ERC1: variants seen among roughly 807,000 people sequenced by gnomAD.
ERC1 encodes the protein ELKS/RAB6-interacting/CAST family member 1.
A neutral mutation model predicts 132.0 loss-of-function variants in ERC1; 56 were observed. The ratio of observed to expected loss-of-function variants is 0.42; its 90% CI spans 0.34 to 0.53. ERC1 has a LOEUF of 0.53. Ranked by LOEUF, ERC1 falls within the 20% of genes least tolerant of loss-of-function variation. ERC1 has a pLI of 0.03. For missense variants in ERC1, 1,202 were observed against 1,349.9 expected (o/e 0.89, Z 1.72); for synonymous variants, 478 against 476.1 (o/e 1.00, Z -0.05).
At chr12:1,045,244 T>C (rs1970904993) in intron 2 of ERC1, among the ~76,000 whole-genome samples, 1 of 152,176 alleles carries the variant, frequency 6.6e-6, no homozygotes, top group South Asian at 2.1e-4. Flanking sequence ...ACAATTTCCC[T>C]ATTATTTACT....
At chr12:1,317,818 T>A (rs2081872214) in intron 15 of ERC1, among the ~76,000 whole-genome samples, 1 of 152,130 alleles carries the variant, frequency 6.6e-6, no homozygotes, top group Admixed American at 6.5e-5. Flanking sequence ...AGCAAAACAC[T>A]CTCTATATAC....
chr12:1,316,762 T>C (rs1288104298), intron 15 of ERC1, among the ~76,000 whole-genome samples: 1 of 152,220 alleles, frequency 6.6e-6, no homozygotes, highest in African/African-American at 2.4e-5. Context: ...TAAATCATGC[T>C]GCTATAAAGA....
At chr12:1,392,696 T>TA (rs1320794864) in intron 16 of ERC1, among the ~76,000 whole-genome samples, 1 of 152,238 alleles carries the variant, frequency 6.6e-6, no homozygotes, top group East Asian at 1.9e-4. Flanking sequence ...TTTGGATTTA[T>TA]AAAATTATAA....
At chr12:1,061,569 C>T (rs533680141) in intron 2 of ERC1, among the ~76,000 whole-genome samples, 1 of 152,218 alleles carries the variant, frequency 6.6e-6, no homozygotes, top group South Asian at 2.1e-4. Context: ...CACCACTGCA[C>T]TCCAGCCGGG....
intron 18 of ERC1, among the ~76,000 whole-genome samples, chr12:1,451,773 C>A (rs1408887944): frequency 3.3e-5 from 5 of 152,004 alleles, no homozygotes; most frequent in Non-Finnish European, 7.4e-5. Context: ...AGAATTGTGT[C>A]CCCCCTCCCA....
intron 17 of ERC1, among the ~76,000 whole-genome samples, chr12:1,422,480 ACATATTGTC>A (rs2092463628): frequency 6.6e-6 from 1 of 152,114 alleles, no homozygotes; most frequent in Non-Finnish European, 1.5e-5. Flanking sequence ...TTTTCACTTA[ACATATTGTC>A]CTCCCAGCTC....
At chr12:1,340,468 G>T (rs2083726790) in intron 15 of ERC1, among the ~76,000 whole-genome samples, 1 of 152,158 alleles carries the variant, frequency 6.6e-6, no homozygotes, top group African/African-American at 2.4e-5. Context: ...CCAAATCGGT[G>T]TCTGTGGTAG....
intron 14 of ERC1, among the ~76,000 whole-genome samples, chr12:1,268,236 A>G (rs951459630): frequency 1.7e-4 from 26 of 152,214 alleles, no homozygotes; most frequent in Admixed American, 1.6e-3. Context: ...TTTTATAAAC[A>G]TAATTCTTTA....
At chr12:1,072,315 T>C (rs1940537771) in intron 2 of ERC1, among the ~76,000 whole-genome samples, 2 of 152,176 alleles carry the variant, frequency 1.3e-5, no homozygotes, top group South Asian at 4.1e-4. Flanking sequence ...AGCAAATTTA[T>C]TTTCCTTTTA....
rs548692154 is a variant in ERC1 at position 1,395,767 on chromosome 12, C to T, written c.2926-12382C>T. Among the ~76,000 whole-genome samples the T allele has an allele frequency of 6.1e-5, 9 of 146,486 alleles. No individual in the cohort carries two copies. In the South Asian group the frequency reaches 1.5e-3, roughly 24 times the overall value. On this transcript the variant is annotated intron_variant, in intron 16 of 18. Coordinates refer to ENST00000360905, the MANE Select transcript of ERC1 (RefSeq NM_178040.4). The stretch of plus-strand genomic sequence containing the variant: ...AAGAGAACAGTTTCTTAAGAACGAG[C>T]AGATAGACCAAAAAAAATTTTTTTT...
At chr12:1,348,406 G>A (rs528807158) in intron 15 of ERC1, among the ~76,000 whole-genome samples, 2 of 152,284 alleles carry the variant, frequency 1.3e-5, no homozygotes, top group South Asian at 4.1e-4. Flanking sequence ...ATAATGTCCA[G>A]CCAGGCGCAG....
intron 13 of ERC1, among the ~76,000 whole-genome samples, chr12:1,238,776 TCA>T (rs1320766465): frequency 7.9e-5 from 12 of 152,158 alleles, no homozygotes; most frequent in African/African-American, 2.4e-4. Flanking sequence ...TAATCTTCTC[TCA>T]GTTGTTATAA....
intron 18 of ERC1, among the ~76,000 whole-genome samples, chr12:1,475,866 C>G (rs1359389309): frequency 6.6e-6 from 1 of 151,728 alleles, no homozygotes; most frequent in East Asian, 1.9e-4. Flanking sequence ...TGTGGTGGCT[C>G]ACACCTGTAA....
intron 17 of ERC1, among the ~76,000 whole-genome samples, chr12:1,418,665 C>T (rs1188824674): frequency 1.2e-3 from 105 of 84,116 alleles, no homozygotes; most frequent in Middle Eastern, 6.1e-3. Context: ...CTCTCTCTTT[C>T]TTTTCTTTCT....
At chr12:1,439,429 G>C (rs1037427268) in intron 17 of ERC1, among the ~76,000 whole-genome samples, 5 of 152,212 alleles carry the variant, frequency 3.3e-5, no homozygotes, top group African/African-American at 4.8e-5. Context: ...TCTGAAGCCT[G>C]TTTGAGAATC....
In ERC1 at chr12:1,027,880, C is replaced by A; in HGVS notation, c.-24C>A. 1 of 1,563,208 alleles carries A rather than the reference C, an allele frequency of 6.4e-7. No individual in the cohort carries two copies. Among genetic ancestry groups the A allele is most frequent in the Non-Finnish European group, 8.7e-7 (1 of 1,153,272 alleles). ...TTGTTGTTGTTGTTGATTTTCTGCT[C>A]ACACCTTTCCTGACCTTGCAACCAT... On this transcript the variant is annotated 5_prime_UTR_variant, in exon 2 of 19. Coordinates refer to ENST00000360905, the MANE Select transcript of ERC1 (RefSeq NM_178040.4).
intron 15 of ERC1, among the ~76,000 whole-genome samples, chr12:1,294,518 G>A (rs986798410): frequency 1.3e-5 from 2 of 152,132 alleles, no homozygotes; most frequent in Non-Finnish European, 2.9e-5. Context: ...GTGTAAAAAT[G>A]TGCTTACCTG....
At chr12:1,287,604 C>T (rs540323409) in intron 14 of ERC1, among the ~76,000 whole-genome samples, 1 of 152,332 alleles carries the variant, frequency 6.6e-6, no homozygotes, top group South Asian at 2.1e-4. Flanking sequence ...TGACTGCCTT[C>T]GAACTGGGAC....
At chr12:1,139,761 GAAAAC>G (rs1023899719) in intron 7 of ERC1, among the ~76,000 whole-genome samples, 2 of 150,830 alleles carry the variant, frequency 1.3e-5, no homozygotes, top group South Asian at 4.2e-4. Context: ...AAGCTGGGAG[GAAAAC>G]AAAACAAAAC....
Sources: allele counts gnomAD v4.1 joint callset (sites outside exome capture counted in the v4.1 genomes callset), GRCh38; gene constraint gnomAD v4.1.1; transcripts MANE v1.5; gene names NCBI Gene and HGNC (gene_info 2026-07-23, HGNC 2026-07-21).